The following DIAPH2 variants were observed in gnomAD, a reference collection of about 807,000 sequenced individuals.
DIAPH2 encodes the protein protein diaphanous homolog 2.
Under a neutral mutation model 92.7 loss-of-function variants are expected in DIAPH2, and 35 were observed. That is an observed-to-expected ratio of 0.38 (90% CI 0.29 to 0.50). The LOEUF (loss-of-function observed/expected upper bound fraction) is 0.50. Ranked by LOEUF, DIAPH2 falls within the 20% of genes least tolerant of loss-of-function variation. DIAPH2 has a pLI of 0.94. For missense variants in DIAPH2, 701 were observed against 819.5 expected, an observed-to-expected ratio of 0.86 and a Z score of 1.77; for synonymous variants, 301 against 280.4, an observed-to-expected ratio of 1.07 and a Z score of -0.73.
At chrX:97,214,739 G>A (rs1325439248) in intron 22 of DIAPH2, among the ~76,000 whole-genome samples, 1 of 106,714 alleles carries the variant, frequency 9.4e-6, no homozygotes, top group African/African-American at 3.4e-5. Context: ...GCTGAGGCAG[G>A]AGAATTGCTT....
intron 17 of DIAPH2, among the ~76,000 whole-genome samples, chrX:96,993,349 C>G (rs1214491227): frequency 8.9e-6 from 1 of 112,217 alleles, no homozygotes; most frequent in Non-Finnish European, 1.9e-5. Flanking sequence ...TTCGTTCTCA[C>G]ACTGCTATAA....
chrX:97,092,575 C>T (rs751754074), intron 19 of DIAPH2, among the ~76,000 whole-genome samples: 15 of 112,131 alleles, frequency 1.3e-4, no homozygotes, highest in Non-Finnish European at 2.3e-4. Flanking sequence ...ACTTTGTTTT[C>T]GATACAGGCA....
intron 26 of DIAPH2, chrX:97,555,602 A>G (rs1451426759): frequency 2.1e-5 from 4 of 191,833 alleles, no homozygotes; most frequent in Non-Finnish European, 3.2e-5. Context: ...GATAAAAATC[A>G]GGGAAATCAA....
chrX:96,851,069 T>C (rs1262368429), intron 4 of DIAPH2, among the ~76,000 whole-genome samples: 1 of 111,388 alleles, frequency 9.0e-6, no homozygotes, highest in Non-Finnish European at 1.9e-5. Flanking sequence ...AATGTACTTA[T>C]TGAAGCAGGA....
chrX:97,543,862 T>G (rs1038355754), intron 26 of DIAPH2, among the ~76,000 whole-genome samples: 7 of 111,313 alleles, frequency 6.3e-5, no homozygotes, highest in Non-Finnish European at 1.3e-4. Flanking sequence ...CAGCCTCTAT[T>G]TAACAATTTT....
At chrX:97,154,937 C>G (rs1341922894) in intron 22 of DIAPH2, among the ~76,000 whole-genome samples, 1 of 112,046 alleles carries the variant, frequency 8.9e-6, no homozygotes, top group Non-Finnish European at 1.9e-5. Context: ...TGATTCTTAA[C>G]TCTTAAATGG....
chrX:97,380,379 G>T (rs2069541172), intron 24 of DIAPH2, among the ~76,000 whole-genome samples: 1 of 111,643 alleles, frequency 9.0e-6, no homozygotes, highest in East Asian at 2.8e-4. Context: ...ACTTGAGAAT[G>T]ATCTTTAAGT....
chrX:97,325,726 C>T (rs760287465), intron 23 of DIAPH2, among the ~76,000 whole-genome samples: 16 of 110,455 alleles, frequency 1.4e-4, no homozygotes, highest in South Asian at 1.2e-3. Flanking sequence ...TACAGGCGCC[C>T]GCCACCGCGC....
chrX:96,787,161 T>A (rs776097137), intron 4 of DIAPH2, among the ~76,000 whole-genome samples: 3 of 111,601 alleles, frequency 2.7e-5, no homozygotes, highest in African/African-American at 9.8e-5. Context: ...ACCAGTGTTG[T>A]CGATGCCATG....
At chrX:97,265,470 T>G (rs1380607168) in intron 23 of DIAPH2, among the ~76,000 whole-genome samples, 4 of 111,606 alleles carry the variant, frequency 3.6e-5, no homozygotes, top group African/African-American at 1.3e-4. Context: ...CTAAGTGCTA[T>G]GGAAGGAAAT....
intron 26 of DIAPH2, among the ~76,000 whole-genome samples, chrX:97,552,312 A>G (rs1336447451): frequency 8.9e-6 from 1 of 112,279 alleles, no homozygotes; most frequent in Non-Finnish European, 1.9e-5. Context: ...TGAAAAGTTC[A>G]GATGAAAAGT....
chrX:97,141,858 A>G lies in DIAPH2; in HGVS notation c.2719+64A>G, dbSNP rs761073735. 7 of 1,071,266 alleles carry G rather than the reference A, an allele frequency of 6.5e-6. No homozygotes were observed. In the East Asian group the frequency reaches 2.3e-4, roughly 35 times the overall value. The allele number at this position is 1,071,266 out of a possible 1,213,427, so 88.3% of individuals were successfully genotyped here. On this transcript the variant is annotated intron_variant, in intron 22 of 26. Coordinates refer to ENST00000324765, the MANE Select transcript of DIAPH2 (RefSeq NM_006729.5). Reference sequence around the variant, plus strand: ...TATATGGTTTAAATGGAACAATTAAAGAATCTGTAAACATTATTCATAAAA... The same window carrying G: ...TATATGGTTTAAATGGAACAATTAAGGAATCTGTAAACATTATTCATAAAA...
intron 17 of DIAPH2, among the ~76,000 whole-genome samples, chrX:97,051,265 A>C (rs1696174844): frequency 9.0e-6 from 1 of 110,552 alleles, no homozygotes; most frequent in African/African-American, 3.3e-5. Flanking sequence ...ACATTCATTT[A>C]TTTTCTTTTA....
intron 20 of DIAPH2, 23 bp from the exon 21 acceptor site, chrX:97,114,703 A>G (rs2067005283): frequency 2.5e-6 from 3 of 1,180,537 alleles, no homozygotes; most frequent in Admixed American, 2.3e-5. Context: ...GTATATTCTC[A>G]TAGGGTATTT....
intron 5 of DIAPH2, among the ~76,000 whole-genome samples, chrX:96,902,939 G>A (rs2065408150): frequency 1.8e-5 from 2 of 111,538 alleles, no homozygotes; most frequent in Admixed American, 9.5e-5. Context: ...TTTGGTTTCA[G>A]TTATCTTGTG....
intron 5 of DIAPH2, among the ~76,000 whole-genome samples, chrX:96,882,959 C>CAAAAA (rs1211958338): frequency 0.039 from 1,235 of 31,817 alleles, 115 homozygotes; most frequent in East Asian, 0.16. Context: ...ACCCTGTCTC[C>CAAAAA]AAAAAAAAAA....
intron 25 of DIAPH2, among the ~76,000 whole-genome samples, chrX:97,399,000 C>T (rs371608322): frequency 2.8e-4 from 31 of 110,920 alleles, no homozygotes; most frequent in East Asian, 1.1e-3. Context: ...CTGCCTCGGC[C>T]TCCCAAAGTC....
chrX:97,273,712 G>A (rs1027504241), intron 23 of DIAPH2, among the ~76,000 whole-genome samples: 4 of 111,881 alleles, frequency 3.6e-5, no homozygotes, highest in East Asian at 2.8e-4. Context: ...ATTTGTACAT[G>A]TAAAATGGCT....
At chrX:97,271,813 G>GCACACA (rs780653047) in intron 23 of DIAPH2, among the ~76,000 whole-genome samples, 12,113 of 91,378 alleles carry the variant, frequency 0.13, 731 homozygotes, top group Middle Eastern at 0.19. Flanking sequence ...ATATATATAT[G>GCACACA]CACACACACA....
Sources: allele counts gnomAD v4.1 joint callset (sites outside exome capture counted in the v4.1 genomes callset), GRCh38; gene constraint gnomAD v4.1.1; transcripts MANE v1.5; gene names NCBI Gene and HGNC (gene_info 2026-07-23, HGNC 2026-07-21).